CNTNAP5: variants seen among roughly 807,000 people sequenced by gnomAD.
CNTNAP5 encodes the protein contactin-associated protein-like 5.
A neutral mutation model predicts 150.2 loss-of-function variants in CNTNAP5; 72 were observed. The observed-to-expected ratio is 0.48, with a 90% CI of 0.40 to 0.58. The LOEUF (loss-of-function observed/expected upper bound fraction) is 0.58, where lower values mean the gene tolerates loss of function less well. Among genes scored for constraint, CNTNAP5 ranks in the 20% least tolerant of loss-of-function variants. CNTNAP5 has a pLI of 0.00. For missense variants in CNTNAP5, 1,636 were observed against 1,626.2 expected (o/e 1.01, Z -0.10); for synonymous variants, 672 against 619.8 (o/e 1.08, Z -1.25).
At chr2:124,398,828 G>A (rs1007252595) in intron 3 of CNTNAP5, among the ~76,000 whole-genome samples, 5 of 152,124 alleles carry the variant, frequency 3.3e-5, no homozygotes, top group Non-Finnish European at 7.3e-5. Flanking sequence ...TTGATTAGAT[G>A]GGAGTAACAC....
chr2:124,805,947 C>T (rs1046850589), intron 19 of CNTNAP5, among the ~76,000 whole-genome samples: 4 of 152,162 alleles, frequency 2.6e-5, no homozygotes, highest in African/African-American at 9.6e-5. Flanking sequence ...ACTTCATTTA[C>T]CCTGAATTAC....
At chr2:124,464,949 A>G (rs1693342268) in intron 6 of CNTNAP5, among the ~76,000 whole-genome samples, 2 of 152,164 alleles carry the variant, frequency 1.3e-5, no homozygotes, top group Non-Finnish European at 2.9e-5. Context: ...CTGTCAGAAC[A>G]AAAGTGAGAC....
At chr2:124,303,557 G>A (rs779579126) in intron 3 of CNTNAP5, among the ~76,000 whole-genome samples, 1 of 152,104 alleles carries the variant, frequency 6.6e-6, no homozygotes, top group South Asian at 2.1e-4. Flanking sequence ...ACTTCTCTCT[G>A]TTTCTTTAAA....
chr2:124,078,335 A>G (rs1682485947), intron 1 of CNTNAP5, among the ~76,000 whole-genome samples: 1 of 152,206 alleles, frequency 6.6e-6, no homozygotes, highest in African/African-American at 2.4e-5. Context: ...AGCTTATTGT[A>G]TATAGGCACA....
intron 19 of CNTNAP5, among the ~76,000 whole-genome samples, chr2:124,811,097 C>A (rs974348125): frequency 6.8e-6 from 1 of 146,000 alleles, no homozygotes; most frequent in Non-Finnish European, 1.5e-5. Flanking sequence ...ACAATAAGGA[C>A]TTTGAAAACC....
rs575070431 is a variant in CNTNAP5, at chr2:124,823,159, A to G, written c.3217+24839A>G. 4.1e-4 allele frequency among the ~76,000 whole-genome samples: 62 copies of G among 152,340 alleles called. 1 individual carries two copies. In the Middle Eastern group the frequency reaches 0.017, roughly 42 times the overall value. ...TGTAGCTGTTCCTGGCACACCGCTTATATGGTCACTCTAGTTACAGTTGAT... is the reference window on the plus strand; with the variant it reads ...TGTAGCTGTTCCTGGCACACCGCTTGTATGGTCACTCTAGTTACAGTTGAT... On this transcript the variant is annotated intron_variant, in intron 19 of 23. Transcript: ENST00000682447.
intron 3 of CNTNAP5, among the ~76,000 whole-genome samples, chr2:124,392,278 G>T (rs1272364548): frequency 6.6e-6 from 1 of 152,118 alleles, no homozygotes; most frequent in Non-Finnish European, 1.5e-5. Context: ...ATCTAAGCAG[G>T]ATTACTCTGG....
At chr2:124,281,860 T>A (rs1370297755) in intron 3 of CNTNAP5, among the ~76,000 whole-genome samples, 1 of 152,304 alleles carries the variant, frequency 6.6e-6, no homozygotes, top group South Asian at 2.1e-4. Context: ...CAGCAATCTC[T>A]TTCTGTAACT....
At chr2:124,784,122 T>C (rs1389088051) in intron 17 of CNTNAP5, among the ~76,000 whole-genome samples, 2 of 151,990 alleles carry the variant, frequency 1.3e-5, no homozygotes, top group Non-Finnish European at 2.9e-5. Flanking sequence ...AACAAACTGC[T>C]CCATGTTCAA....
intron 4 of CNTNAP5, among the ~76,000 whole-genome samples, chr2:124,427,083 G>A (rs1056952623): frequency 1.3e-5 from 2 of 152,152 alleles, no homozygotes; most frequent in Admixed American, 1.3e-4. Flanking sequence ...TTGAAAAAAG[G>A]GGAAGAAATT....
At chr2:124,479,755 G>T (rs768732457) in intron 7 of CNTNAP5, among the ~76,000 whole-genome samples, 8 of 152,106 alleles carry the variant, frequency 5.3e-5, no homozygotes, top group Non-Finnish European at 1.0e-4. Flanking sequence ...CAGTGTTCCT[G>T]GAAGCATCCT....
intron 16 of CNTNAP5, among the ~76,000 whole-genome samples, chr2:124,771,968 C>G (rs1199463359): frequency 6.6e-6 from 1 of 151,690 alleles, no homozygotes; most frequent in Non-Finnish European, 1.5e-5. Flanking sequence ...ACCATTGCCA[C>G]GACCACCACC....
chr2:124,446,871 G>C lies in CNTNAP5; in HGVS notation c.852G>C (p.Thr284=). 1.2e-6 allele frequency: 2 copies of C among 1,613,918 alleles called. No individual in the cohort carries two copies. Among genetic ancestry groups the C allele is most frequent in the Non-Finnish European group, 1.7e-6 (2 of 1,179,870 alleles). Residue 284 remains threonine (T), a synonymous_variant, in exon 6 of 24, where the codon ACG becomes ACC. Coordinates refer to ENST00000682447, the MANE Select transcript of CNTNAP5 (RefSeq NM_001367498.1). ...GGGTGGGCAAGCAGGTGAACTTCAC[G>C]GTGGACAAGCACACACAGCACTTCC... ...IERVGKQVNF[T]VDKHTQHFRT...
chr2:124,640,712 G>A (rs563798464), intron 12 of CNTNAP5, among the ~76,000 whole-genome samples: 1 of 152,282 alleles, frequency 6.6e-6, no homozygotes, highest in Non-Finnish European at 1.5e-5. Flanking sequence ...CCTCAGTAAA[G>A]GTTCCCAGAA....
rs9967897 is a variant in CNTNAP5 at position 124,663,845 on chromosome 2, C to T, written c.2077+15887C>T. 8.6e-3 allele frequency among the ~76,000 whole-genome samples: 1,305 copies of T among 152,194 alleles called. 15 individuals carry two copies. Among genetic ancestry groups the T allele is most frequent in the African/African-American group, 0.03 (1,244 of 41,524 alleles). ...AGCAACATTCCACAATGAATTCCTC[C>T]CTTCTTAAAGGAAGACAGGGATATG... is the stretch of plus-strand genomic sequence containing the variant. On this transcript the variant is annotated intron_variant, in intron 13 of 23. Coordinates refer to ENST00000682447, the MANE Select transcript of CNTNAP5 (RefSeq NM_001367498.1).
intron 3 of CNTNAP5, among the ~76,000 whole-genome samples, chr2:124,395,102 A>G (rs1691213293): frequency 6.6e-6 from 1 of 152,230 alleles, no homozygotes; most frequent in Admixed American, 6.5e-5. Flanking sequence ...CAAAGTTGGA[A>G]TCGGGGAAGG....
intron 7 of CNTNAP5, among the ~76,000 whole-genome samples, chr2:124,501,404 G>C (rs1418241613): frequency 6.6e-6 from 1 of 152,086 alleles, no homozygotes; most frequent in Middle Eastern, 3.2e-3. Context: ...TTCCTTCTCG[G>C]GAATAGGAGG....
intron 19 of CNTNAP5, among the ~76,000 whole-genome samples, chr2:124,842,049 A>G (rs1682955337): frequency 6.6e-6 from 1 of 152,178 alleles, no homozygotes; most frequent in African/African-American, 2.4e-5. Flanking sequence ...TCTATATTTA[A>G]AAGCAATTGG....
intron 1 of CNTNAP5, among the ~76,000 whole-genome samples, chr2:124,097,959 C>T (rs890340993): frequency 1.1e-4 from 16 of 152,218 alleles, no homozygotes; most frequent in African/African-American, 3.9e-4. Context: ...ACCCGGGAGG[C>T]GGAGCTTGCC....
Sources: allele counts gnomAD v4.1 joint callset (sites outside exome capture counted in the v4.1 genomes callset), GRCh38; gene constraint gnomAD v4.1.1; transcripts MANE v1.5; gene names NCBI Gene and HGNC (gene_info 2026-07-23, HGNC 2026-07-21).